The following ALDH7A1 variants were observed in gnomAD, a reference collection of about 807,000 sequenced individuals.
The protein encoded by ALDH7A1 is alpha-aminoadipic semialdehyde dehydrogenase.
A neutral mutation model predicts 79.9 loss-of-function variants in ALDH7A1; 63 were observed. That is an observed-to-expected ratio of 0.79 (90% CI 0.64 to 0.97). The LOEUF (loss-of-function observed/expected upper bound fraction) is 0.97. Ranked by LOEUF, ALDH7A1 falls within the 50% of genes least tolerant of loss-of-function variation. ALDH7A1 has a pLI of 0.00. For missense variants in ALDH7A1, 627 were observed against 665.2 expected, an observed-to-expected ratio of 0.94 and a Z score of 0.63; for synonymous variants, 240 against 231.2, an observed-to-expected ratio of 1.04 and a Z score of -0.34.
intron 5 of ALDH7A1, 52 bp downstream of exon 5, chr5:126,582,799 G>C (rs546585141): frequency 7.5e-6 from 12 of 1,604,644 alleles, no homozygotes; most frequent in Non-Finnish European, 1.0e-5. Flanking sequence ...ATTTTTTTTG[G>C]AGCTCTGTAT....
chr5:126,547,550 G>C (rs1401306848), intron 16 of ALDH7A1, among the ~76,000 whole-genome samples: 1 of 151,986 alleles, frequency 6.6e-6, no homozygotes, highest in Non-Finnish European at 1.5e-5. Flanking sequence ...AAGGGTACTG[G>C]GTGCATCCAA....
chr5:126,561,190 C>T (rs1031015842), intron 9 of ALDH7A1, 66 bp from the exon 10 acceptor site: 42 of 1,238,876 alleles, frequency 3.4e-5, no homozygotes, highest in Admixed American at 4.4e-5. Context: ...CACTGCTACA[C>T]AGCCTAATCC....
chr5:126,579,962 A>C (rs1462431944), intron 5 of ALDH7A1: 2 of 166,902 alleles, frequency 1.2e-5, no homozygotes, highest in Admixed American at 1.3e-4. Context: ...TCAAATAAAC[A>C]AACGAAAATG....
intron 11 of ALDH7A1, among the ~76,000 whole-genome samples, chr5:126,556,364 T>G (rs1481500967): frequency 6.7e-6 from 1 of 148,248 alleles, no homozygotes; most frequent in Non-Finnish European, 1.5e-5. Context: ...TACCTCAGCC[T>G]CCCGAGCAGC....
At chr5:126,585,815 G>A (rs1711749492) in intron 3 of ALDH7A1, among the ~76,000 whole-genome samples, 1 of 151,974 alleles carries the variant, frequency 6.6e-6, no homozygotes, top group Non-Finnish European at 1.5e-5. Context: ...CGCCTGCCTC[G>A]GCCTCCCAAA....
At chr5:126,582,806 G>C (rs1334596280) in intron 5 of ALDH7A1, 45 bp downstream of exon 5, 1 of 1,608,726 alleles carries the variant, frequency 6.2e-7, no homozygotes, top group Non-Finnish European at 8.5e-7. Flanking sequence ...TTGGAGCTCT[G>C]TATATCAGAG....
At position 126,563,007 on chromosome 5, in the gene ALDH7A1, T is replaced by C. The variant is rs767128849; in HGVS notation, c.872-1883A>G. On this transcript the variant is annotated intron_variant, in intron 9 of 17. Transcript: ENST00000409134. Reference sequence around the variant, plus strand: ...AGTGGGAAGGAGGGATTAGTGTTTATAGGGTATGGAGTTTCAGTTTTACAA... The same window carrying C: ...AGTGGGAAGGAGGGATTAGTGTTTACAGGGTATGGAGTTTCAGTTTTACAA... Among the ~76,000 whole-genome samples, 12 of 152,196 alleles carry C rather than the reference T, an allele frequency of 7.9e-5. No individual in the cohort carries two copies. In the East Asian group the frequency reaches 1.3e-3, roughly 17 times the overall value.
intron 5 of ALDH7A1, chr5:126,582,059 C>T (rs1283525889): frequency 7.5e-6 from 3 of 398,350 alleles, no homozygotes; most frequent in Non-Finnish European, 1.3e-5. Flanking sequence ...GAAGGTGGCT[C>T]ATGCCTATAA....
intron 10 of ALDH7A1, among the ~76,000 whole-genome samples, chr5:126,560,265 A>G (rs1034872074): frequency 2.0e-5 from 3 of 152,190 alleles, no homozygotes; most frequent in Non-Finnish European, 4.4e-5. Flanking sequence ...TGAAGTCAGG[A>G]GTTCAAGACC....
At chr5:126,555,637 A>T (rs1310928693) in intron 12 of ALDH7A1, among the ~76,000 whole-genome samples, 1 of 152,190 alleles carries the variant, frequency 6.6e-6, no homozygotes, top group Non-Finnish European at 1.5e-5. Flanking sequence ...GGATTCTTGC[A>T]GCCTTGCACA....
Position 126,549,565 on chromosome 5 carries a change from G to A in ALDH7A1, c.1489+364C>T, listed in dbSNP as rs149882467. On this transcript the variant is annotated intron_variant, in intron 16 of 17. Coordinates refer to ENST00000409134, the MANE Select transcript of ALDH7A1 (RefSeq NM_001182.5). Reference sequence around the variant, plus strand: ...AAAAGAGTATGTTTAACATTTATATGCCTACTTTGCAAATAAAAACCAGAA... The same window carrying A: ...AAAAGAGTATGTTTAACATTTATATACCTACTTTGCAAATAAAAACCAGAA... The A allele has an allele frequency of 2.1e-3, 480 of 225,696 alleles. 3 individuals are homozygous for A. Among genetic ancestry groups the A allele is most frequent in the African/African-American group, 0.01 (444 of 43,548 alleles). The allele number at this position is 225,696 out of a possible 1,614,324, so 14.0% of individuals were successfully genotyped here. A position where few individuals can be genotyped will look rare whatever the true frequency, so the allele number is the denominator to read the frequency against.
chr5:126,585,087 C>T (rs184849456), intron 3 of ALDH7A1, among the ~76,000 whole-genome samples: 36 of 152,248 alleles, frequency 2.4e-4, no homozygotes, highest in African/African-American at 8.2e-4. Flanking sequence ...CACTTGGGGT[C>T]AGGAGTTCAA....
intron 5 of ALDH7A1, among the ~76,000 whole-genome samples, chr5:126,579,298 C>T (rs910681143): frequency 6.6e-6 from 1 of 152,238 alleles, no homozygotes; most frequent in African/African-American, 2.4e-5. Flanking sequence ...TCCACTCCTT[C>T]TCCTCTTTGT....
chr5:126,583,801 C>T lies in ALDH7A1; in HGVS notation c.393+131G>A, dbSNP rs924238329. The T allele has an allele frequency of 5.7e-5, 42 of 735,160 alleles. No individual in the cohort carries two copies. In the South Asian group the frequency reaches 7.2e-4, roughly 13 times the overall value. The allele number at this position is 735,160 out of a possible 1,614,324, so 45.5% of individuals were successfully genotyped here. ...GCTGCAGTGAGCCAAGATTTTACCA[C>T]TGCACTCCAGCCTGGGTGACAGCAA... On this transcript the variant is annotated intron_variant, in intron 4 of 17. Coordinates refer to ENST00000409134, the MANE Select transcript of ALDH7A1 (RefSeq NM_001182.5).
At chr5:126,551,470 CA>C (rs1370977696) in intron 14 of ALDH7A1, among the ~76,000 whole-genome samples, 1 of 151,898 alleles carries the variant, frequency 6.6e-6, no homozygotes, top group Non-Finnish European at 1.5e-5. Context: ...TACAGGCGCC[CA>C]ACACCACGCC....
At chr5:126,545,668 G>A (rs1020568110) in intron 17 of ALDH7A1, among the ~76,000 whole-genome samples, 7 of 148,522 alleles carry the variant, frequency 4.7e-5, no homozygotes, top group Non-Finnish European at 1.0e-4. Context: ...GGCCTGTGAT[G>A]ACAGCTACTT....
In ALDH7A1 at chr5:126,594,355, T is replaced by A. The variant is rs1751664756; in HGVS notation, c.192+652A>T. 57 of 448,524 alleles carry A rather than the reference T, an allele frequency of 1.3e-4. 1 individual carries two copies. The highest frequency in any genetic ancestry group is 9.1e-4 in the South Asian group (57 of 62,370). 27.8% of individuals were successfully genotyped at this position (448,524 alleles called of 1,614,324 possible). On this transcript the variant is annotated intron_variant, in intron 1 of 17. Coordinates refer to ENST00000409134, the MANE Select transcript of ALDH7A1 (RefSeq NM_001182.5). ...CACGTCACAGCTGAAGAGCCAGAGTTAAGCTCTAAATTAAGATCAGTTGCA... is the reference window on the plus strand; with the variant it reads ...CACGTCACAGCTGAAGAGCCAGAGTAAAGCTCTAAATTAAGATCAGTTGCA...
intron 7 of ALDH7A1, among the ~76,000 whole-genome samples, chr5:126,571,703 T>C (rs915717078): frequency 6.6e-6 from 1 of 151,828 alleles, no homozygotes; most frequent in African/African-American, 2.4e-5. Context: ...TAAAAAGGAA[T>C]AAGACCTAGA....
At position 126,554,399 on chromosome 5, in the gene ALDH7A1, G is replaced by T. The variant is rs1222190381; in HGVS notation, c.1094-6C>A. 3.1e-6 allele frequency: 5 copies of T among 1,612,710 alleles called. No individual in the cohort carries two copies. The highest frequency in any genetic ancestry group is 2.7e-5 in the African/African-American group (2 of 74,898). ...TGGCCCATAGAGAACATTAGCTGGA[G>T]AGAGAAAAGGAAGGCTGGCTCATCA... On this transcript the variant is annotated splice_region_variant and splice_polypyrimidine_tract_variant and intron_variant, in intron 12 of 17. Transcript: ENST00000409134.
Sources: allele counts gnomAD v4.1 joint callset (sites outside exome capture counted in the v4.1 genomes callset), GRCh38; gene constraint gnomAD v4.1.1; transcripts MANE v1.5; gene names NCBI Gene and HGNC (gene_info 2026-07-23, HGNC 2026-07-21).